CSMD1: variants seen among roughly 807,000 people sequenced by gnomAD.
CSMD1 encodes the protein CUB and sushi domain-containing protein 1.
A neutral mutation model predicts 417.5 loss-of-function variants in CSMD1; 213 were observed. The ratio of observed to expected loss-of-function variants is 0.51; its 90% CI spans 0.46 to 0.57. The LOEUF (loss-of-function observed/expected upper bound fraction) is 0.57, where lower values mean the gene tolerates loss of function less well. Among genes scored for constraint, CSMD1 ranks in the 20% least tolerant of loss-of-function variants. The pLI, the probability that CSMD1 is intolerant of heterozygous loss-of-function variation, is 0.00. For synonymous variants in CSMD1, 2,862 were observed against 1,736.8 expected (o/e 1.65, Z -16.11); for missense variants, 6,923 against 4,529.7 (o/e 1.53, Z -15.17).
At chr8:4,476,364 C>T (rs1154082) in intron 2 of CSMD1, among the ~76,000 whole-genome samples, 18,928 of 152,102 alleles carry the variant, frequency 0.12, 1,537 homozygotes, top group African/African-American at 0.23. Flanking sequence ...TAGTATTCAG[C>T]ACAATTTTGG....
chr8:4,851,761 A>G (rs1352483636), intron 1 of CSMD1, among the ~76,000 whole-genome samples: 2 of 152,224 alleles, frequency 1.3e-5, no homozygotes, highest in East Asian at 3.8e-4. Context: ...AGACAGGTCT[A>G]TTGAGATGAA....
intron 3 of CSMD1, among the ~76,000 whole-genome samples, chr8:4,395,739 C>T (rs539662190): frequency 4.2e-4 from 64 of 151,200 alleles, no homozygotes; most frequent in African/African-American, 1.5e-3. Context: ...ACAAATGTTT[C>T]TGCTGTGTAA....
At chr8:4,737,621 TA>T in intron 1 of CSMD1, among the ~76,000 whole-genome samples, 1 of 152,220 alleles carries the variant, frequency 6.6e-6, no homozygotes, top group East Asian at 1.9e-4. Context: ...CACTATATTT[TA>T]CACATTTTTT....
At position 4,637,385 on chromosome 8, in the gene CSMD1, A is replaced by T. The variant is rs745813221; in HGVS notation, c.259T>A (p.Ser87Thr). ...FALEEDFDIL[S>T]VYDGQPQQGN... ...TGTTGAGGCTGTCCATCGTAAACTG[A>T]TAAAATATCAAAATCTTCTTCAAGA... Residue 87 changes from serine (S) to threonine (T), a missense_variant, in exon 2 of 70, where the codon TCA (serine) becomes ACA (threonine). Physicochemically the swap from Ser to Thr is moderately conservative, Grantham distance 58. Coordinates refer to ENST00000635120, the MANE Select transcript of CSMD1 (RefSeq NM_033225.6). The T allele has an allele frequency of 6.2e-7, 1 of 1,614,038 alleles. No individual in the cohort carries two copies. Among genetic ancestry groups the T allele is most frequent in the South Asian group, 1.1e-5 (1 of 91,092 alleles).
At chr8:4,146,423 G>C (rs1277776626) in intron 3 of CSMD1, among the ~76,000 whole-genome samples, 1 of 150,274 alleles carries the variant, frequency 6.7e-6, no homozygotes, top group African/African-American at 2.5e-5. Context: ...CTCCAAAGAC[G>C]TGTACCCAGG....
intron 3 of CSMD1, among the ~76,000 whole-genome samples, chr8:4,310,649 C>A (rs1171543220): frequency 2.0e-5 from 3 of 151,880 alleles, no homozygotes; most frequent in Non-Finnish European, 2.9e-5. Flanking sequence ...CACATTTGAC[C>A]GAGACTATAA....
At chr8:4,927,592 G>C (rs193290903) in intron 1 of CSMD1, among the ~76,000 whole-genome samples, 1 of 152,126 alleles carries the variant, frequency 6.6e-6, no homozygotes, top group Non-Finnish European at 1.5e-5. Context: ...AGTTCTTAGA[G>C]GTTCTTCATG....
intron 1 of CSMD1, among the ~76,000 whole-genome samples, chr8:4,951,566 T>TA (rs1198495483): frequency 8.9e-6 from 1 of 111,824 alleles, no homozygotes; most frequent in Non-Finnish European, 1.9e-5. Flanking sequence ...AAAGAGAAAA[T>TA]AAAAAAGAAA....
chr8:4,529,694 T>A (rs1406038375), intron 2 of CSMD1, among the ~76,000 whole-genome samples: 1 of 152,016 alleles, frequency 6.6e-6, no homozygotes, highest in Non-Finnish European at 1.5e-5. Context: ...TAAGTATAAT[T>A]CATAGAATAT....
At chr8:3,837,468 G>A (rs958077740) in intron 5 of CSMD1, among the ~76,000 whole-genome samples, 3 of 152,000 alleles carry the variant, frequency 2.0e-5, no homozygotes, top group Non-Finnish European at 4.4e-5. Flanking sequence ...TGTCCTCCTG[G>A]GACCTAATGC....
intron 1 of CSMD1, among the ~76,000 whole-genome samples, chr8:4,829,655 G>T (rs185318930): frequency 6.6e-6 from 1 of 151,090 alleles, no homozygotes; most frequent in East Asian, 2.0e-4. Flanking sequence ...AGGGGGGATC[G>T]CTTAAATCCA....
intron 2 of CSMD1, among the ~76,000 whole-genome samples, chr8:4,515,724 C>A (rs567954135): frequency 2.9e-4 from 44 of 152,176 alleles, no homozygotes; most frequent in Middle Eastern, 3.4e-3. Flanking sequence ...TGCTTATGAG[C>A]CCTGTAGAGC....
chr8:3,545,626 G>C (rs1170852120), intron 10 of CSMD1, among the ~76,000 whole-genome samples: 2 of 152,184 alleles, frequency 1.3e-5, no homozygotes, highest in East Asian at 3.9e-4. Context: ...CCCAAGTTGA[G>C]CAATTCAGGT....
At chr8:3,844,129 T>C (rs543216792) in intron 5 of CSMD1, among the ~76,000 whole-genome samples, 1 of 152,186 alleles carries the variant, frequency 6.6e-6, no homozygotes, top group African/African-American at 2.4e-5. Flanking sequence ...ATAAGAATAG[T>C]ACTTTAAAAA....
intron 5 of CSMD1, among the ~76,000 whole-genome samples, chr8:3,947,717 T>C (rs1811330095): frequency 6.6e-6 from 1 of 152,166 alleles, no homozygotes; most frequent in Non-Finnish European, 1.5e-5. Context: ...GACTAAGCCT[T>C]TTTTTAACGG....
At chr8:4,723,782 G>A (rs1236847586) in intron 1 of CSMD1, among the ~76,000 whole-genome samples, 8 of 64,422 alleles carry the variant, frequency 1.2e-4, no homozygotes, top group Non-Finnish European at 2.2e-4. Flanking sequence ...ATATGCTTTC[G>A]AATGTAAAAA....
At chr8:4,602,994 CTG>C (rs1800678012) in intron 2 of CSMD1, among the ~76,000 whole-genome samples, 3 of 151,708 alleles carry the variant, frequency 2.0e-5, no homozygotes, top group Admixed American at 2.0e-4. Context: ...TTAGTAAAGA[CTG>C]AACTATTTTT....
At chr8:3,757,139 G>C (rs965534505) in intron 5 of CSMD1, among the ~76,000 whole-genome samples, 3 of 152,008 alleles carry the variant, frequency 2.0e-5, no homozygotes, top group Non-Finnish European at 4.4e-5. Context: ...CATTAATAAT[G>C]ATCACAAATA....
intron 5 of CSMD1, among the ~76,000 whole-genome samples, chr8:3,854,095 A>T (rs1293212284): frequency 2.1e-5 from 3 of 146,326 alleles, no homozygotes; most frequent in Non-Finnish European, 4.5e-5. Context: ...GAAAAATTAC[A>T]TTATACTTTA....
Sources: gnomAD v4.1 joint callset for allele counts (sites outside exome capture counted in the v4.1 genomes callset) on GRCh38, gnomAD v4.1.1 for gene constraint, MANE v1.5 for transcripts, NCBI Gene and HGNC (gene_info 2026-07-23, HGNC 2026-07-21) for gene names.